DIP2B: variants seen among roughly 807,000 people sequenced by gnomAD.
The protein encoded by DIP2B is DIP2 acetate--CoA ligase B (putative).
DIP2B carries 76 observed loss-of-function variants against 198.0 expected under a neutral mutation model. That is an observed-to-expected ratio of 0.38 (90% CI 0.32 to 0.46). The LOEUF is 0.46. Ranked by LOEUF, DIP2B falls within the 20% of genes least tolerant of loss-of-function variation. The pLI, the probability that DIP2B is intolerant of heterozygous loss-of-function variation, is 0.99. For synonymous variants in DIP2B, 701 were observed against 739.1 expected, an observed-to-expected ratio of 0.95 and a Z score of 0.84; for missense variants, 1,559 against 1,978.4, an observed-to-expected ratio of 0.79 and a Z score of 4.02.
chr12:50,661,086 TA>T (rs1177300315), intron 4 of DIP2B, among the ~76,000 whole-genome samples: 3 of 151,922 alleles, frequency 2.0e-5, no homozygotes, highest in Non-Finnish European at 2.9e-5. Flanking sequence ...TTTAAAACCT[TA>T]AAAAAAATTT....
intron 1 of DIP2B, among the ~76,000 whole-genome samples, chr12:50,555,992 T>C (rs946427437): frequency 2.0e-5 from 3 of 152,146 alleles, no homozygotes; most frequent in Non-Finnish European, 2.9e-5. Flanking sequence ...TTTGTTGATT[T>C]AGCATGTCCT....
At chr12:50,593,885 TCCTCCCCTCCCCTCTCCTCCCCTCC>T (rs1958855633) in intron 1 of DIP2B, among the ~76,000 whole-genome samples, 1 of 8,102 alleles carries the variant, frequency 1.2e-4, no homozygotes, top group Non-Finnish European at 2.0e-4. Context: ...TCCTCCCCTC[TCCTCCCCTCCCCTCTCCTCCCCTCC>T]CCTCTCCTTT....
At chr12:50,506,109 C>T (rs1185954766) in intron 1 of DIP2B, among the ~76,000 whole-genome samples, 3 of 152,176 alleles carry the variant, frequency 2.0e-5, no homozygotes, top group South Asian at 2.1e-4. Context: ...AAACACAGTG[C>T]TCCGTTGTGG....
chr12:50,521,251 C>T (rs960798603), intron 1 of DIP2B, among the ~76,000 whole-genome samples: 46 of 151,520 alleles, frequency 3.0e-4, no homozygotes, highest in African/African-American at 1.0e-3. Context: ...AGATTACAGG[C>T]GCACACCCCC....
intron 1 of DIP2B, among the ~76,000 whole-genome samples, chr12:50,514,326 A>G (rs1958045363): frequency 6.6e-6 from 1 of 151,836 alleles, no homozygotes; most frequent in South Asian, 2.1e-4. Context: ...CTGCTTCCCA[A>G]AGTGCTGGGA....
chr12:50,581,522 G>T (rs372629204), intron 1 of DIP2B, among the ~76,000 whole-genome samples: 1 of 149,270 alleles, frequency 6.7e-6, no homozygotes, highest in East Asian at 2.3e-4. Context: ...AAGAAATGTG[G>T]AAGGGGGTAG....
intron 1 of DIP2B, among the ~76,000 whole-genome samples, chr12:50,622,349 G>A (rs943693049): frequency 6.6e-6 from 1 of 152,064 alleles, no homozygotes; most frequent in Non-Finnish European, 1.5e-5. Flanking sequence ...ATTTTACTAG[G>A]GAAACAGATG....
intron 9 of DIP2B, 144 bp downstream of exon 9, chr12:50,680,907 A>G (rs960374465): frequency 9.6e-6 from 8 of 830,928 alleles, no homozygotes; most frequent in South Asian, 1.7e-5. Context: ...TTTGGTTCCA[A>G]CGCAGGTTAG....
At chr12:50,730,382 CT>C (rs35093819) in intron 30 of DIP2B, among the ~76,000 whole-genome samples, 10,052 of 62,528 alleles carry the variant, frequency 0.16, 360 homozygotes, top group Middle Eastern at 0.27. Flanking sequence ...CTCTCTCTCT[CT>C]TTTTTTTTTT....
rs1939831755 is a variant in DIP2B at position 50,721,282 on chromosome 12, G to A, written c.3052G>A (p.Val1018Ile). 1 of 1,614,052 alleles carries A rather than the reference G, an allele frequency of 6.2e-7. No individual in the cohort carries two copies. The highest frequency in any genetic ancestry group is 1.7e-5 in the Admixed American group (1 of 60,006). The change falls in exon 26 of 38, where the codon GTA becomes ATA. Residue 1018 changes from valine (V) to isoleucine (I), a missense_variant. Transcript: ENST00000301180. ...TTTCTGTTGTTTAAAGGGAACCACT[G>A]TATGCACAGCCAGCTGCCTTCAGCT... The part of the protein sequence containing the change: ...FMLLNAKGTT[V>I]CTASCLQLHK...
chr12:50,565,216 T>C (rs948570594), intron 1 of DIP2B, among the ~76,000 whole-genome samples: 1 of 152,078 alleles, frequency 6.6e-6, no homozygotes, highest in Non-Finnish European at 1.5e-5. Flanking sequence ...AGGCTTGTCT[T>C]GAACTCCTGG....
At chr12:50,640,530 A>C (rs1002679502) in intron 2 of DIP2B, among the ~76,000 whole-genome samples, 194 bp from the exon 3 acceptor site, 2 of 152,088 alleles carry the variant, frequency 1.3e-5, no homozygotes, top group African/African-American at 4.8e-5. Context: ...GTTGACATTT[A>C]AGGCTCTAAG....
At chr12:50,671,060 T>G in intron 4 of DIP2B, 126 bp from the exon 5 acceptor site, 1 of 872,526 alleles carries the variant, frequency 1.1e-6, no homozygotes, top group Non-Finnish European at 1.7e-6. Context: ...ACTTTACATA[T>G]TAATCTACCT....
chr12:50,649,154 A>AG (rs1938409207), intron 3 of DIP2B, among the ~76,000 whole-genome samples: 1 of 152,242 alleles, frequency 6.6e-6, no homozygotes, highest in Middle Eastern at 3.2e-3. Context: ...GTTTAACACC[A>AG]TGAAGACGCC....
chr12:50,685,749 C>T (rs1216416851), intron 10 of DIP2B, 84 bp from the exon 11 acceptor site: 7 of 1,431,292 alleles, frequency 4.9e-6, no homozygotes, highest in Non-Finnish European at 5.6e-6. Flanking sequence ...AAACAAAATG[C>T]CAGAGCATTA....
chr12:50,579,763 A>C (rs1441716452), intron 1 of DIP2B, among the ~76,000 whole-genome samples: 1 of 143,492 alleles, frequency 7.0e-6, no homozygotes. Flanking sequence ...ACCCCCAGAA[A>C]CTGTGGACCA....
At chr12:50,613,771 C>T (rs1479821219) in intron 1 of DIP2B, among the ~76,000 whole-genome samples, 1 of 152,178 alleles carries the variant, frequency 6.6e-6, no homozygotes, top group Non-Finnish European at 1.5e-5. Flanking sequence ...CCACTGACAA[C>T]ACTAACCCTT....
intron 3 of DIP2B, among the ~76,000 whole-genome samples, chr12:50,659,515 G>A (rs1264669994): frequency 1.3e-5 from 2 of 151,578 alleles, no homozygotes; most frequent in East Asian, 3.9e-4. Context: ...ACTGTGTACA[G>A]TATGATTCAA....
intron 1 of DIP2B, among the ~76,000 whole-genome samples, chr12:50,540,709 C>T (rs1055531584): frequency 5.3e-5 from 8 of 151,608 alleles, no homozygotes; most frequent in South Asian, 2.1e-4. Context: ...CCACGGCGCC[C>T]GGCTAATTTT....
Sources: allele counts gnomAD v4.1 joint callset (sites outside exome capture counted in the v4.1 genomes callset), GRCh38; gene constraint gnomAD v4.1.1; transcripts MANE v1.5; gene names NCBI Gene and HGNC (gene_info 2026-07-23, HGNC 2026-07-21).